CSMD1: variants seen among roughly 807,000 people sequenced by gnomAD.
CSMD1 encodes CUB and sushi domain-containing protein 1.
A neutral mutation model predicts 417.5 loss-of-function variants in CSMD1; 213 were observed. The ratio of observed to expected loss-of-function variants is 0.51; its 90% CI spans 0.46 to 0.57. The LOEUF (loss-of-function observed/expected upper bound fraction) is 0.57, where lower values mean the gene tolerates loss of function less well. CSMD1 is among the 20% of genes least tolerant of loss of function. The pLI is 0.00. For missense variants in CSMD1, 6,923 were observed against 4,529.7 expected (o/e 1.53, Z -15.17); for synonymous variants, 2,862 against 1,736.8 (o/e 1.65, Z -16.11).
chr8:4,423,116 C>G (rs73658881), intron 2 of CSMD1, among the ~76,000 whole-genome samples: 2 of 152,050 alleles, frequency 1.3e-5, no homozygotes, highest in Non-Finnish European at 2.9e-5. Flanking sequence ...AGACTGAATG[C>G]TTCTGCCTAA....
At chr8:3,933,668 T>G (rs1289579974) in intron 5 of CSMD1, among the ~76,000 whole-genome samples, 1 of 152,174 alleles carries the variant, frequency 6.6e-6, no homozygotes, top group Non-Finnish European at 1.5e-5. Flanking sequence ...CAGTTATTAT[T>G]TTACAAAATG....
intron 3 of CSMD1, among the ~76,000 whole-genome samples, chr8:4,305,097 C>T (rs747140226): frequency 6.6e-6 from 1 of 152,158 alleles, no homozygotes; most frequent in African/African-American, 2.4e-5. Flanking sequence ...AGGTTCCATG[C>T]CTCCTGGATA....
intron 5 of CSMD1, among the ~76,000 whole-genome samples, chr8:3,814,056 T>C (rs1801234315): frequency 6.6e-6 from 1 of 152,320 alleles, no homozygotes; most frequent in Admixed American, 6.5e-5. Context: ...TGATGCTTAT[T>C]ATTCTGCAAA....
At chr8:3,884,110 A>G (rs761177373) in intron 5 of CSMD1, among the ~76,000 whole-genome samples, 1 of 152,202 alleles carries the variant, frequency 6.6e-6, no homozygotes, top group African/African-American at 2.4e-5. Context: ...TTGAAAAGTA[A>G]TTAACAATGT....
chr8:4,256,701 G>A (rs1027207152), intron 3 of CSMD1, among the ~76,000 whole-genome samples: 1 of 150,056 alleles, frequency 6.7e-6, no homozygotes. Context: ...TGGGCCGGGC[G>A]TGGTGTGGGG....
chr8:4,902,886 G>A (rs1379367230), intron 1 of CSMD1, among the ~76,000 whole-genome samples: 2 of 150,864 alleles, frequency 1.3e-5, no homozygotes, highest in African/African-American at 4.9e-5. Flanking sequence ...CATATGTACT[G>A]CATGTATATT....
At chr8:4,165,273 A>C (rs961456938) in intron 3 of CSMD1, among the ~76,000 whole-genome samples, 1 of 152,254 alleles carries the variant, frequency 6.6e-6, no homozygotes, top group African/African-American at 2.4e-5. Context: ...CGAAAGTTAC[A>C]GCTGTTGATC....
chr8:4,026,052 T>G (rs1297506100), intron 4 of CSMD1, among the ~76,000 whole-genome samples: 7 of 151,220 alleles, frequency 4.6e-5, no homozygotes, highest in African/African-American at 1.7e-4. Flanking sequence ...TGCAAATAAA[T>G]AAGTATTAAT....
chr8:3,001,700 A>T (rs1807418343), intron 52 of CSMD1, among the ~76,000 whole-genome samples: 1 of 152,212 alleles, frequency 6.6e-6, no homozygotes. Flanking sequence ...GAAGTTATAG[A>T]AAGAAACTTT....
At chr8:4,564,478 G>A (rs2130625889) in intron 2 of CSMD1, among the ~76,000 whole-genome samples, 2 of 152,254 alleles carry the variant, frequency 1.3e-5, no homozygotes, top group Middle Eastern at 6.8e-3. Context: ...CTGGTTCAGG[G>A]ACACACATTC....
At chr8:3,946,768 T>G (rs1811257895) in intron 5 of CSMD1, among the ~76,000 whole-genome samples, 1 of 152,210 alleles carries the variant, frequency 6.6e-6, no homozygotes, top group South Asian at 2.1e-4. Flanking sequence ...AGTTTCAGCA[T>G]GCAGTCTTGC....
chr8:3,746,289 C>T (rs1365359583), intron 6 of CSMD1, among the ~76,000 whole-genome samples: 1 of 152,182 alleles, frequency 6.6e-6, no homozygotes, highest in Non-Finnish European at 1.5e-5. Flanking sequence ...TGATAACCTA[C>T]CTGAACTTTA....
At chr8:4,203,476 GA>G (rs1354106564) in intron 3 of CSMD1, among the ~76,000 whole-genome samples, 2 of 152,112 alleles carry the variant, frequency 1.3e-5, no homozygotes, top group Non-Finnish European at 2.9e-5. Context: ...CTATAATGAA[GA>G]AAACATGTTT....
At chr8:4,384,454 C>G (rs956859268) in intron 3 of CSMD1, among the ~76,000 whole-genome samples, 1 of 152,102 alleles carries the variant, frequency 6.6e-6, no homozygotes, top group South Asian at 2.1e-4. Context: ...CTGGTTTTTT[C>G]AAATAAAGCT....
intron 10 of CSMD1, among the ~76,000 whole-genome samples, chr8:3,546,359 T>C (rs537422535): frequency 1.3e-5 from 2 of 151,792 alleles, no homozygotes; most frequent in South Asian, 2.1e-4. Context: ...CATGATGAAA[T>C]CCCCATCTCT....
intron 5 of CSMD1, among the ~76,000 whole-genome samples, chr8:3,905,274 A>G (rs1315637576): frequency 6.6e-6 from 1 of 152,252 alleles, no homozygotes; most frequent in Admixed American, 6.5e-5. Context: ...TACAAGAGTT[A>G]GGGAAAATAT....
intron 5 of CSMD1, among the ~76,000 whole-genome samples, chr8:3,841,342 G>C (rs865874675): frequency 2.0e-5 from 3 of 152,044 alleles, no homozygotes; most frequent in Non-Finnish European, 2.9e-5. Flanking sequence ...GTGCATTTTT[G>C]GACTTCTTTA....
intron 3 of CSMD1, among the ~76,000 whole-genome samples, chr8:4,388,518 A>G (rs999498959): frequency 6.6e-6 from 1 of 151,276 alleles, no homozygotes; most frequent in Non-Finnish European, 1.5e-5. Flanking sequence ...TACAAAGGGC[A>G]TAAGAAGGAT....
At chr8:4,802,105 A>G (rs1364794298) in intron 1 of CSMD1, among the ~76,000 whole-genome samples, 1 of 152,252 alleles carries the variant, frequency 6.6e-6, no homozygotes, top group Non-Finnish European at 1.5e-5. Flanking sequence ...AAGTGTCCAC[A>G]GACAGTTTTA....
Sources: gnomAD v4.1 joint callset for allele counts (sites outside exome capture counted in the v4.1 genomes callset) on GRCh38, gnomAD v4.1.1 for gene constraint, MANE v1.5 for transcripts, NCBI Gene and HGNC (gene_info 2026-07-23, HGNC 2026-07-21) for gene names.